Variants in AGMO observed in about 807,000 individuals in gnomAD.
The protein encoded by AGMO is glyceryl-ether monooxygenase.
AGMO carries 75 observed loss-of-function variants against 60.2 expected under a neutral mutation model. The observed-to-expected ratio is 1.25, with a 90% confidence interval of 1.03 to 1.51. AGMO has a LOEUF of 1.51. Ranked by LOEUF, AGMO falls within the 40% of genes most tolerant of loss-of-function variation. The pLI, the probability that AGMO is intolerant of heterozygous loss-of-function variation, is 0.00. For synonymous variants in AGMO, 261 were observed against 177.1 expected (o/e 1.47, Z -3.76); for missense variants, 763 against 525.5 (o/e 1.45, Z -4.42).
chr7:15,226,812 A>G (rs191929279), intron 12 of AGMO, among the ~76,000 whole-genome samples: 4 of 152,234 alleles, frequency 2.6e-5, no homozygotes, highest in Admixed American at 2.6e-4. Context: ...ACTCACTATT[A>G]AAGTCACTGT....
At chr7:15,136,188 T>C in the AGMO span, among the ~76,000 whole-genome samples, 1 of 152,056 alleles carries the variant, frequency 6.6e-6, no homozygotes, top group Non-Finnish European at 1.5e-5. Context: ...AGACAGGGTT[T>C]CTCCATGTTG....
chr7:15,454,043 TAC>T (rs1490130716), intron 3 of AGMO, among the ~76,000 whole-genome samples: 4 of 149,270 alleles, frequency 2.7e-5, no homozygotes, highest in Non-Finnish European at 5.9e-5. Context: ...TATATATATA[TAC>T]CACTAGAGAG....
At chr7:15,495,421 T>A (rs1783194922) in intron 3 of AGMO, among the ~76,000 whole-genome samples, 1 of 152,214 alleles carries the variant, frequency 6.6e-6, no homozygotes, top group Admixed American at 6.5e-5. Flanking sequence ...GCCATCAAAG[T>A]ACTGTTGCTT....
In AGMO at chr7:15,543,486, G is replaced by A. The variant is rs559931917; in HGVS notation, c.409+1286C>T. ...TGTGAAACTATGGTAACAGAAAAGT[G>A]CATATGGTCAGCGCCTAGCTGATTG... On this transcript the variant is annotated intron_variant, in intron 3 of 12. Coordinates refer to ENST00000342526, the MANE Select transcript of AGMO (RefSeq NM_001004320.2). Among the ~76,000 whole-genome samples, 9 of 152,242 alleles carry A rather than the reference G, an allele frequency of 5.9e-5. No homozygotes were observed. The South Asian group carries it at 1.5e-3, about 25-fold the overall frequency.
chr7:15,377,517 C>G (rs367890934), intron 10 of AGMO, among the ~76,000 whole-genome samples: 64 of 152,176 alleles, frequency 4.2e-4, no homozygotes, highest in African/African-American at 1.4e-3. Context: ...TTAATGGCCA[C>G]TATTTCAAAT....
intron 4 of AGMO, among the ~76,000 whole-genome samples, chr7:15,428,970 T>C (rs1781147482): frequency 6.6e-6 from 1 of 152,042 alleles, no homozygotes; most frequent in Non-Finnish European, 1.5e-5. Flanking sequence ...AGCAATTTTT[T>C]AAGAAGGGAG....
intron 3 of AGMO, among the ~76,000 whole-genome samples, chr7:15,437,103 A>C (rs542885729): frequency 6.6e-6 from 1 of 152,310 alleles, no homozygotes; most frequent in Admixed American, 6.5e-5. Flanking sequence ...TAAAATTAGT[A>C]ACAGACTCAA....
At chr7:15,506,708 C>T (rs1783520906) in intron 3 of AGMO, among the ~76,000 whole-genome samples, 1 of 151,884 alleles carries the variant, frequency 6.6e-6, no homozygotes, top group South Asian at 2.1e-4. Flanking sequence ...GATGCAGAAA[C>T]TGCTACAGCA....
chr7:15,313,132 A>T (rs1360620500), intron 12 of AGMO, among the ~76,000 whole-genome samples: 1 of 152,224 alleles, frequency 6.6e-6, no homozygotes, highest in Admixed American at 6.5e-5. Context: ...TGTGAGGCTA[A>T]AAATGAAAAC....
intron 10 of AGMO, among the ~76,000 whole-genome samples, chr7:15,382,311 C>A (rs1562474130): frequency 6.6e-6 from 1 of 152,122 alleles, no homozygotes; most frequent in Admixed American, 6.6e-5. Flanking sequence ...TTCTTTTGTA[C>A]TAATACTGTG....
chr7:15,230,698 G>T (rs569457380), intron 12 of AGMO, among the ~76,000 whole-genome samples: 10 of 152,246 alleles, frequency 6.6e-5, no homozygotes, highest in Non-Finnish European at 1.0e-4. Flanking sequence ...AAGGGAAAGA[G>T]AGAGAAATCT....
intron 12 of AGMO, among the ~76,000 whole-genome samples, chr7:15,233,949 A>G (rs983916554): frequency 3.3e-5 from 5 of 152,158 alleles, no homozygotes; most frequent in African/African-American, 9.7e-5. Flanking sequence ...TGGGAGGCTG[A>G]GGCAGGAGAA....
intron 12 of AGMO, among the ~76,000 whole-genome samples, chr7:15,256,868 G>T (rs1783115094): frequency 6.6e-6 from 1 of 152,086 alleles, no homozygotes; most frequent in Non-Finnish European, 1.5e-5. Context: ...AGATGGCATG[G>T]GAAAATCATA....
intron 12 of AGMO, among the ~76,000 whole-genome samples, chr7:15,312,239 T>C (rs1167852833): frequency 6.6e-6 from 1 of 152,178 alleles, no homozygotes; most frequent in East Asian, 1.9e-4. Context: ...CTAGGACTGA[T>C]ATAAAAATAC....
chr7:15,377,031 G>T (rs1160702503), intron 10 of AGMO, among the ~76,000 whole-genome samples: 1 of 152,040 alleles, frequency 6.6e-6, no homozygotes, highest in Non-Finnish European at 1.5e-5. Flanking sequence ...AGAAAAGACT[G>T]TGGGACCACA....
the AGMO span, among the ~76,000 whole-genome samples, chr7:15,176,903 C>A: frequency 7.9e-5 from 12 of 152,040 alleles, no homozygotes; most frequent in African/African-American, 2.4e-4. Context: ...ACAATAGTTT[C>A]TGGGACCAAG....
At chr7:15,483,814 G>C (rs912390569) in intron 3 of AGMO, among the ~76,000 whole-genome samples, 3 of 151,602 alleles carry the variant, frequency 2.0e-5, no homozygotes, top group Non-Finnish European at 4.4e-5. Flanking sequence ...TATTTTTTTT[G>C]AGGGACTGTG....
rs576451976 is a variant in AGMO, at chr7:15,464,039, T to C, written c.410-32931A>G. 3.3e-5 allele frequency among the ~76,000 whole-genome samples: 5 copies of C among 152,320 alleles called. No individual in the cohort carries two copies. The East Asian group carries it at 9.6e-4, about 29-fold the overall frequency. ...GTTATTGACCAATCTCTTTCAATAA[T>C]ATTCTCTAGTAATAGCCACGGAGAT... is the stretch of plus-strand genomic sequence containing the variant. On this transcript the variant is annotated intron_variant, in intron 3 of 12. Transcript: ENST00000342526.
At chr7:15,433,289 A>C (rs117126000) in intron 3 of AGMO, among the ~76,000 whole-genome samples, 2,084 of 152,174 alleles carry the variant, frequency 0.014, 31 homozygotes, top group Non-Finnish European at 0.022. Flanking sequence ...GAGGTTAAAG[A>C]TCTGTCTTTC....
Sources: allele counts gnomAD v4.1 joint callset (sites outside exome capture counted in the v4.1 genomes callset), GRCh38; gene constraint gnomAD v4.1.1; transcripts MANE v1.5; gene names NCBI Gene and HGNC (gene_info 2026-07-23, HGNC 2026-07-21).